COL22A1: variants seen among roughly 807,000 people sequenced by gnomAD.
The protein encoded by COL22A1 is collagen alpha-1(XXII) chain.
In COL22A1, 221 loss-of-function variants were observed where a neutral mutation model predicts 248.9. The ratio of observed to expected loss-of-function variants is 0.89; its 90% CI spans 0.80 to 0.99. The LOEUF is 0.99. COL22A1 is among the 50% of genes least tolerant of loss of function. The pLI is 0.00. For synonymous variants in COL22A1, 891 were observed against 793.4 expected, an observed-to-expected ratio of 1.12 and a Z score of -2.07; for missense variants, 2,240 against 2,179.0, an observed-to-expected ratio of 1.03 and a Z score of -0.56.
intron 2 of COL22A1, 109 bp downstream of exon 2, chr8:138,882,969 TCACA>T (rs1824353571): frequency 1.0e-6 from 1 of 979,118 alleles, no homozygotes; most frequent in Non-Finnish European, 1.5e-6. Context: ...TCCCTCTCTC[TCACA>T]CAGTCAGTTG....
At chr8:138,592,735 CGG>C in intron 63 of COL22A1, among the ~76,000 whole-genome samples, 1 of 95,740 alleles carries the variant, frequency 1.0e-5, no homozygotes, top group South Asian at 3.0e-4. Context: ...TATTCCTAAT[CGG>C]TCGGACAGGA....
intron 7 of COL22A1, among the ~76,000 whole-genome samples, chr8:138,817,636 G>A (rs80284100): frequency 0.014 from 2,161 of 152,216 alleles, 53 homozygotes; most frequent in African/African-American, 0.049. Context: ...TTTAGGGGTC[G>A]ACCATATAAT....
intron 7 of COL22A1, among the ~76,000 whole-genome samples, chr8:138,817,386 G>A (rs113428987): frequency 1.9e-3 from 289 of 152,282 alleles, no homozygotes; most frequent in African/African-American, 6.4e-3. Flanking sequence ...AGTCCTTGGC[G>A]GAGGGCTGCT....
At chr8:138,654,709 C>T (rs963949612) in intron 45 of COL22A1, among the ~76,000 whole-genome samples, 1 of 152,194 alleles carries the variant, frequency 6.6e-6, no homozygotes, top group Non-Finnish European at 1.5e-5. Context: ...CAGCCTTTCA[C>T]AGCTCTCAAC....
At chr8:138,607,374 A>G (rs141276736) in intron 57 of COL22A1, among the ~76,000 whole-genome samples, 2 of 152,194 alleles carry the variant, frequency 1.3e-5, no homozygotes, top group Non-Finnish European at 2.9e-5. Flanking sequence ...CCATTAAAGA[A>G]CCATCTTCCC....
At chr8:138,780,668 G>T (rs1439042575) in intron 13 of COL22A1, among the ~76,000 whole-genome samples, 2 of 152,188 alleles carry the variant, frequency 1.3e-5, no homozygotes, top group Non-Finnish European at 2.9e-5. Context: ...TAACAAGGTT[G>T]CCTTGCAGAA....
intron 9 of COL22A1, among the ~76,000 whole-genome samples, chr8:138,810,310 C>A (rs1386143050): frequency 1.3e-5 from 2 of 152,208 alleles, no homozygotes; most frequent in Admixed American, 1.3e-4. Flanking sequence ...GGCTTGTGAC[C>A]AAAACCTTAC....
intron 12 of COL22A1, among the ~76,000 whole-genome samples, chr8:138,790,445 T>C (rs1240332228): frequency 2.0e-5 from 3 of 152,140 alleles, no homozygotes; most frequent in Admixed American, 6.5e-5. Flanking sequence ...TGCAGAAGTG[T>C]CTTGTGGTTT....
At chr8:138,828,749 CAAA>C (rs375318134) in intron 5 of COL22A1, among the ~76,000 whole-genome samples, 1 of 131,448 alleles carries the variant, frequency 7.6e-6, no homozygotes, top group Non-Finnish European at 1.7e-5. Context: ...GACTCCATCT[CAAA>C]AAAAAAAAAA....
chr8:138,760,322 G>T (rs746991307), intron 17 of COL22A1, 35 bp from the exon 18 acceptor site: 58 of 1,583,988 alleles, frequency 3.7e-5, no homozygotes, highest in Non-Finnish European at 3.4e-5. Flanking sequence ...ATTATGATGG[G>T]CACTACGGAT....
intron 41 of COL22A1, among the ~76,000 whole-genome samples, chr8:138,666,349 G>T (rs1230834216): frequency 1.3e-5 from 2 of 152,274 alleles, no homozygotes; most frequent in Admixed American, 6.5e-5. Flanking sequence ...GCCAGGAGTG[G>T]TCCTATCTGC....
chr8:138,897,197 G>C (rs989245728), intron 1 of COL22A1, among the ~76,000 whole-genome samples: 4 of 152,080 alleles, frequency 2.6e-5, no homozygotes, highest in African/African-American at 7.2e-5. Flanking sequence ...GGAGAAGGAA[G>C]GAGACATTTA....
At chr8:138,680,618 G>C (rs1013223460) in intron 39 of COL22A1, among the ~76,000 whole-genome samples, 2 of 152,134 alleles carry the variant, frequency 1.3e-5, no homozygotes, top group African/African-American at 4.8e-5. Context: ...ATTTCAATCA[G>C]CACCTGGGAC....
chr8:138,821,143 G>T lies in COL22A1; in HGVS notation c.1238C>A (p.Pro413His), dbSNP rs1450144812. Residue 413 changes from proline (P) to histidine (H), a missense_variant, in exon 7 of 65, where the codon CCC becomes CAC. Physicochemically the swap from Pro to His is moderately conservative, Grantham distance 77. Transcript: ENST00000303045. ...AGGCCCCCTGGTACTCACGTCAATG[G>T]GCACACTGTCGTAGAGGCGCTTGCC... is the stretch of plus-strand genomic sequence containing the variant. ...VIGKRLYDSV[P>H]IDFDLQRIVI... 1 of 1,613,332 alleles carries T rather than the reference G, an allele frequency of 6.2e-7. No homozygotes were observed. Among genetic ancestry groups the T allele is most frequent in the Admixed American group, 1.7e-5 (1 of 59,994 alleles).
intron 5 of COL22A1, among the ~76,000 whole-genome samples, chr8:138,829,401 C>CTTTT (rs1483155408): frequency 3.5e-4 from 29 of 82,236 alleles, no homozygotes; most frequent in African/African-American, 7.5e-4. Flanking sequence ...CCTTCCTTTC[C>CTTTT]TGTTTTTTTT....
chr8:138,730,411 C>T (rs766298699), intron 23 of COL22A1, among the ~76,000 whole-genome samples: 13 of 152,070 alleles, frequency 8.5e-5, no homozygotes, highest in Admixed American at 2.0e-4. Context: ...TACTACGTAC[C>T]GCTGTGTTCT....
intron 3 of COL22A1, among the ~76,000 whole-genome samples, chr8:138,858,421 C>T (rs189244163): frequency 2.8e-4 from 42 of 152,078 alleles, no homozygotes; most frequent in Admixed American, 2.4e-3. Context: ...TGCTTTATCA[C>T]CCAGGCTGGA....
chr8:138,891,499 G>A (rs16909761), intron 1 of COL22A1, among the ~76,000 whole-genome samples: 14,040 of 152,236 alleles, frequency 0.092, 1,075 homozygotes, highest in African/African-American at 0.21. Context: ...ATGCTCATAA[G>A]TGCAGTAGCC....
At chr8:138,592,878 AC>A (rs1271780635) in intron 63 of COL22A1, among the ~76,000 whole-genome samples, 1 of 152,214 alleles carries the variant, frequency 6.6e-6, no homozygotes, top group Admixed American at 6.5e-5. Context: ...TTTTTAAACA[AC>A]CTTTTATAAA....
Sources: gnomAD v4.1 joint callset for allele counts (sites outside exome capture counted in the v4.1 genomes callset) on GRCh38, gnomAD v4.1.1 for gene constraint, MANE v1.5 for transcripts, NCBI Gene and HGNC (gene_info 2026-07-23, HGNC 2026-07-21) for gene names.